SHOC1: variants seen among roughly 807,000 people sequenced by gnomAD.
SHOC1 encodes shortage in chiasmata 1.
SHOC1 carries 136 observed loss-of-function variants against 179.2 expected under a neutral mutation model. The ratio of observed to expected loss-of-function variants is 0.76; its 90% CI spans 0.66 to 0.87. SHOC1 has a LOEUF of 0.87. Among genes scored for constraint, SHOC1 ranks in the 40% least tolerant of loss-of-function variants. SHOC1 has a pLI of 0.00. For synonymous variants in SHOC1, 489 were observed against 586.6 expected (o/e 0.83, Z 2.41); for missense variants, 1,538 against 1,700.8 (o/e 0.90, Z 1.68).
chr9:111,707,896 A>C lies in SHOC1; in HGVS notation c.2517T>G (p.Asn839Lys). The C allele has an allele frequency of 6.3e-7, 1 of 1,582,108 alleles. No individual in the cohort carries two copies. Residue 839 changes from asparagine to lysine, a missense_variant, in exon 19 of 28, where the codon AAT becomes AAG. Coordinates refer to ENST00000682961, the MANE Select transcript of SHOC1 (RefSeq NM_001378211.1). ...EGLTLTVLHS[N>K]ERKDFLESEG... is the part of the protein sequence containing the mutation. ...CAGATTCCAGAAAATCTTTTCTTTC[A>C]TTTGAATGAAGGACAGTCAGTGTTA...
chr9:111,694,394 A>T, intron 24 of SHOC1, 32 bp from the exon 25 acceptor site: 2 of 1,487,512 alleles, frequency 1.3e-6, no homozygotes, highest in East Asian at 4.5e-5. Flanking sequence ...AGATTATAGG[A>T]AATACTAGGA....
intron 9 of SHOC1, among the ~76,000 whole-genome samples, chr9:111,746,729 T>C (rs1009417104): frequency 6.6e-5 from 10 of 152,164 alleles, no homozygotes; most frequent in Non-Finnish European, 1.3e-4. Flanking sequence ...GCAACTATTA[T>C]GTTTGGTCAT....
chr9:111,769,993 T>TTTTTTTTTTTTTTTTC (rs1835529323), intron 5 of SHOC1, among the ~76,000 whole-genome samples: 1 of 146,556 alleles, frequency 6.8e-6, no homozygotes, highest in South Asian at 2.1e-4. Flanking sequence ...TTTGTTTTTT[T>TTTTTTTTTTTTTTTTC]TTTTTTTTTT....
Position 111,691,800 on chromosome 9 carries a change from A to C in SHOC1, c.4177T>G (p.Leu1393Val), listed in dbSNP as rs1460260843. Reference protein sequence around the residue: ...CNKLYSQKGNLFTDQQKCLSD... With the variant: ...CNKLYSQKGNVFTDQQKCLSD... ...AGACATTTTTGCTGATCAGTGAATA[A>C]ATTACCTTTCTGAGAGTACAATTTG... Residue 1393 changes from leucine to valine, a missense_variant, in exon 27 of 28, where the codon TTA (leucine) becomes GTA (valine). Transcript: ENST00000682961. 1 of 1,613,768 alleles carries C rather than the reference A, an allele frequency of 6.2e-7. No homozygotes were observed. The highest frequency in any genetic ancestry group is 1.3e-5 in the African/African-American group (1 of 74,916).
intron 19 of SHOC1, 145 bp from the exon 20 acceptor site, chr9:111,706,891 A>T (rs539978233): frequency 2.3e-4 from 109 of 477,048 alleles, no homozygotes; most frequent in African/African-American, 2.0e-3. Flanking sequence ...TTTTCTGTTG[A>T]TTTGCTCTTC....
In SHOC1 at chr9:111,756,314, T is replaced by G. The variant is rs1370530950; in HGVS notation, c.862+11A>C. 6.3e-6 allele frequency: 10 copies of G among 1,577,650 alleles called. No individual in the cohort carries two copies. Among genetic ancestry groups the G allele is most frequent in the Non-Finnish European group, 8.6e-6 (10 of 1,164,782 alleles). On this transcript the variant is annotated intron_variant, in intron 8 of 27. Coordinates refer to ENST00000682961, the MANE Select transcript of SHOC1 (RefSeq NM_001378211.1). ...TTTTTACAAGTAATACATTTTACAATTAATTCTCACCTCTTTCAAAAAGCT... is the reference window on the plus strand; with the variant it reads ...TTTTTACAAGTAATACATTTTACAAGTAATTCTCACCTCTTTCAAAAAGCT...
chr9:111,770,938 A>G (rs757419536), intron 5 of SHOC1, among the ~76,000 whole-genome samples: 61 of 152,216 alleles, frequency 4.0e-4, no homozygotes, highest in Middle Eastern at 3.4e-3. Flanking sequence ...AAGGCAGCAT[A>G]TAGTTTGGTC....
intron 12 of SHOC1, among the ~76,000 whole-genome samples, chr9:111,733,186 A>G (rs1363400667): frequency 6.6e-6 from 1 of 152,264 alleles, no homozygotes; most frequent in Non-Finnish European, 1.5e-5. Flanking sequence ...TATAGGGCCA[A>G]CTAAATAATG....
At chr9:111,784,751 A>G (rs775344330) in intron 3 of SHOC1, among the ~76,000 whole-genome samples, 2 of 152,172 alleles carry the variant, frequency 1.3e-5, no homozygotes, top group East Asian at 3.9e-4. Context: ...TTAAGGCACC[A>G]GAAGATTCAG....
rs771815958 is a variant in SHOC1, at chr9:111,775,888, T to C, written c.345A>G (p.Val115=). 9 of 1,613,518 alleles carry C rather than the reference T, an allele frequency of 5.6e-6. No homozygotes were observed. The highest frequency in any genetic ancestry group is 7.6e-6 in the Non-Finnish European group (9 of 1,179,652). Residue 115 remains valine (V), a synonymous_variant, in exon 5 of 28, where the codon GTA becomes GTG. Transcript: ENST00000682961. ...PSSNPDSQIE[V]EEVSLYTHMD... Reference sequence around the variant, plus strand: ...TGTGGGTGTATAAACTGACCTCCTCTACTTCAATTTGGGAGTCTGGATTTG... The same window carrying C: ...TGTGGGTGTATAAACTGACCTCCTCCACTTCAATTTGGGAGTCTGGATTTG...
chr9:111,701,471 A>G (rs538079092), intron 23 of SHOC1, among the ~76,000 whole-genome samples: 5 of 152,144 alleles, frequency 3.3e-5, no homozygotes, highest in African/African-American at 9.7e-5. Context: ...TTGTACCTCA[A>G]TTGCACTACT....
intron 23 of SHOC1, among the ~76,000 whole-genome samples, chr9:111,701,803 A>C (rs1831983761): frequency 6.6e-6 from 1 of 152,178 alleles, no homozygotes. Flanking sequence ...TATACAAAAA[A>C]TTTAGTACAG....
chr9:111,724,503 C>A (rs1016509621), intron 13 of SHOC1, among the ~76,000 whole-genome samples: 2 of 151,928 alleles, frequency 1.3e-5, no homozygotes, highest in Non-Finnish European at 2.9e-5. Context: ...CCATCCTGGG[C>A]TAATTTATTT....
chr9:111,733,448 T>C (rs931302034), intron 12 of SHOC1, among the ~76,000 whole-genome samples: 3 of 152,346 alleles, frequency 2.0e-5, no homozygotes, highest in Admixed American at 6.5e-5. Flanking sequence ...GCATGGTCTG[T>C]CTAATGTGGT....
intron 5 of SHOC1, among the ~76,000 whole-genome samples, chr9:111,775,260 G>A (rs1835786076): frequency 6.6e-6 from 1 of 152,036 alleles, no homozygotes; most frequent in African/African-American, 2.4e-5. Context: ...CTCCCGAAGT[G>A]CTGGGATTAC....
intron 27 of SHOC1, among the ~76,000 whole-genome samples, chr9:111,687,668 C>T (rs1831237406): frequency 6.6e-6 from 1 of 152,124 alleles, no homozygotes; most frequent in Non-Finnish European, 1.5e-5. Flanking sequence ...GAACCTAAAA[C>T]AAAGACATAT....
chr9:111,761,394 C>T lies in SHOC1; in HGVS notation c.443-2546G>A, dbSNP rs530322422. Among the ~76,000 whole-genome samples the T allele has an allele frequency of 5.9e-5, 9 of 152,018 alleles. No homozygotes were observed. In the South Asian group the frequency reaches 1.0e-3, roughly 18 times the overall value. Reference sequence around the variant, plus strand: ...GTGGGGACCTGTAATCCCAGCTACTCGGGAGGCTGAGGCAGGAGAATCACT... The same window carrying T: ...GTGGGGACCTGTAATCCCAGCTACTTGGGAGGCTGAGGCAGGAGAATCACT... On this transcript the variant is annotated intron_variant, in intron 5 of 27. Coordinates refer to ENST00000682961, the MANE Select transcript of SHOC1 (RefSeq NM_001378211.1).
intron 11 of SHOC1, among the ~76,000 whole-genome samples, chr9:111,739,908 A>C (rs1314108441): frequency 6.6e-6 from 1 of 151,928 alleles, no homozygotes; most frequent in Non-Finnish European, 1.5e-5. Context: ...TCCAGAAAAA[A>C]AATTTATTTT....
chr9:111,792,243 G>A (rs1458540915), intron 1 of SHOC1, among the ~76,000 whole-genome samples: 1 of 152,028 alleles, frequency 6.6e-6, no homozygotes, highest in Non-Finnish European at 1.5e-5. Flanking sequence ...CTAGGACAGA[G>A]TAACTTCTGT....
Sources: allele counts gnomAD v4.1 joint callset (sites outside exome capture counted in the v4.1 genomes callset), GRCh38; gene constraint gnomAD v4.1.1; transcripts MANE v1.5; gene names NCBI Gene and HGNC (gene_info 2026-07-23, HGNC 2026-07-21).